The following PAX3 variants were observed in gnomAD, a reference collection of about 807,000 sequenced individuals.
PAX3 encodes the protein paired box protein Pax-3.
A neutral mutation model predicts 51.6 loss-of-function variants in PAX3; 14 were observed. The ratio of observed to expected loss-of-function variants is 0.27; its 90% CI spans 0.18 to 0.42. PAX3 has a LOEUF of 0.42. PAX3 is among the 10% of genes least tolerant of loss of function. PAX3 has a pLI of 1.00. For synonymous variants in PAX3, 280 were observed against 253.4 expected, an observed-to-expected ratio of 1.11 and a Z score of -1.00; for missense variants, 540 against 642.8, an observed-to-expected ratio of 0.84 and a Z score of 1.73.
chr2:222,270,247 T>C (rs1694202648), intron 4 of PAX3, among the ~76,000 whole-genome samples: 1 of 152,216 alleles, frequency 6.6e-6, no homozygotes, highest in Admixed American at 6.5e-5. Context: ...TCATCTTAGC[T>C]CAAGCTCCGA....
chr2:222,233,842 C>A (rs962009891), intron 4 of PAX3, among the ~76,000 whole-genome samples: 1 of 152,076 alleles, frequency 6.6e-6, no homozygotes, highest in Non-Finnish European at 1.5e-5. Context: ...CAACAGTAAG[C>A]CAGAAAATTG....
At chr2:222,236,412 G>A (rs6436301) in intron 4 of PAX3, among the ~76,000 whole-genome samples, 136,890 of 152,196 alleles carry the variant, frequency 0.9, 61,624 homozygotes, top group East Asian at 1. Flanking sequence ...TTTACCAAGA[G>A]CAAAACTAAA....
chr2:222,237,785 T>C (rs1195268360), intron 4 of PAX3, among the ~76,000 whole-genome samples: 3 of 152,218 alleles, frequency 2.0e-5, no homozygotes, highest in Admixed American at 2.0e-4. Context: ...ATTCATTTTA[T>C]ATCTTTATTA....
At chr2:222,275,794 T>A (rs1361582502) in intron 4 of PAX3, among the ~76,000 whole-genome samples, 1 of 152,248 alleles carries the variant, frequency 6.6e-6, no homozygotes, top group Non-Finnish European at 1.5e-5. Context: ...TGAAATGCTC[T>A]CCTGTTTAAT....
intron 4 of PAX3, among the ~76,000 whole-genome samples, chr2:222,261,677 G>A (rs1693867455): frequency 6.6e-6 from 1 of 151,638 alleles, no homozygotes; most frequent in Non-Finnish European, 1.5e-5. Flanking sequence ...TCCTGATATT[G>A]CAGTTTTTAA....
At chr2:222,228,667 G>A (rs1692471237) in intron 5 of PAX3, among the ~76,000 whole-genome samples, 1 of 152,100 alleles carries the variant, frequency 6.6e-6, no homozygotes, top group Non-Finnish European at 1.5e-5. Flanking sequence ...AGTGCCAGTG[G>A]CTCACACCTG....
intron 7 of PAX3, among the ~76,000 whole-genome samples, chr2:222,215,759 G>A (rs770387176): frequency 9.2e-5 from 14 of 152,026 alleles, no homozygotes; most frequent in Non-Finnish European, 1.6e-4. Context: ...TCTGGGGATG[G>A]AGGGGAAATA....
chr2:222,222,456 T>C (rs1574649805), intron 5 of PAX3, among the ~76,000 whole-genome samples: 1 of 150,878 alleles, frequency 6.6e-6, no homozygotes, highest in South Asian at 2.1e-4. Flanking sequence ...CAGTCTGGAG[T>C]GCAATGGCGG....
At chr2:222,201,579 A>G in intron 8 of PAX3, 137 bp from the exon 9 acceptor site, 1 of 1,342,074 alleles carries the variant, frequency 7.5e-7, no homozygotes, top group Non-Finnish European at 1.0e-6. Context: ...TATTCCTGAG[A>G]CAAGTTTGAC....
At chr2:222,213,731 G>A (rs1326531387) in intron 7 of PAX3, among the ~76,000 whole-genome samples, 1 of 152,166 alleles carries the variant, frequency 6.6e-6, no homozygotes, top group African/African-American at 2.4e-5. Context: ...TGGGAAATAG[G>A]TTGGTGTCAG....
chr2:222,288,907 C>A (rs941696356), intron 4 of PAX3, among the ~76,000 whole-genome samples: 1 of 152,170 alleles, frequency 6.6e-6, no homozygotes, highest in African/African-American at 2.4e-5. Flanking sequence ...GGTTAAGAAC[C>A]CCTCACAATG....
At chr2:222,297,639 G>A (rs1286854257) in intron 1 of PAX3, among the ~76,000 whole-genome samples, 2 of 152,190 alleles carry the variant, frequency 1.3e-5, no homozygotes, top group Non-Finnish European at 1.5e-5. Flanking sequence ...CCTTTCTAAG[G>A]GACTTGGGCC....
intron 7 of PAX3, among the ~76,000 whole-genome samples, chr2:222,213,844 A>G (rs550431917): frequency 1.3e-5 from 2 of 152,218 alleles, no homozygotes; most frequent in African/African-American, 4.8e-5. Context: ...GACTAGCATC[A>G]GGTAGCTTCT....
rs550279652 is a variant in PAX3, at chr2:222,255,130, T to C, written c.587-22847A>G. On this transcript the variant is annotated intron_variant, in intron 4 of 8. Coordinates refer to ENST00000392070, the MANE Select transcript of PAX3 (RefSeq NM_181458.4). Reference sequence around the variant, plus strand: ...AAGTTGGCAGGGCAAGTTGCAGCATTAATACAAACTGAGATTTTGTTCTGT... The same window carrying C: ...AAGTTGGCAGGGCAAGTTGCAGCATCAATACAAACTGAGATTTTGTTCTGT... Among the ~76,000 whole-genome samples, 3 of 152,322 alleles carry C rather than the reference T, an allele frequency of 2.0e-5. No individual in the cohort carries two copies. The East Asian group carries it at 5.8e-4, about 29-fold the overall frequency.
intron 4 of PAX3, among the ~76,000 whole-genome samples, chr2:222,289,367 T>A (rs1694946657): frequency 1.3e-5 from 2 of 152,188 alleles, no homozygotes; most frequent in South Asian, 4.1e-4. Context: ...AATATATGCA[T>A]TCATGGATGC....
At chr2:222,201,717 G>A (rs1457883971) in intron 8 of PAX3, 1 of 1,458,162 alleles carries the variant, frequency 6.9e-7, no homozygotes, top group Non-Finnish European at 9.0e-7. Flanking sequence ...TGGCAATCAG[G>A]TTTCACGTCT....
intron 4 of PAX3, among the ~76,000 whole-genome samples, chr2:222,286,767 C>T (rs1335843564): frequency 6.6e-6 from 1 of 152,126 alleles, no homozygotes; most frequent in Non-Finnish European, 1.5e-5. Flanking sequence ...ACAGAAATTA[C>T]CTGTTGGTGG....
At chr2:222,256,231 A>T (rs1430661) in intron 4 of PAX3, among the ~76,000 whole-genome samples, 7 of 152,044 alleles carry the variant, frequency 4.6e-5, no homozygotes, top group African/African-American at 1.7e-4. Flanking sequence ...TAAACTGGCC[A>T]TAAGGCAGAT....
At chr2:222,250,492 A>T (rs986598463) in intron 4 of PAX3, among the ~76,000 whole-genome samples, 1 of 152,180 alleles carries the variant, frequency 6.6e-6, no homozygotes, top group Admixed American at 6.5e-5. Flanking sequence ...CAGAGGAAAT[A>T]CCTTCACCAC....
Sources: allele counts gnomAD v4.1 joint callset (sites outside exome capture counted in the v4.1 genomes callset), GRCh38; gene constraint gnomAD v4.1.1; transcripts MANE v1.5; gene names NCBI Gene and HGNC (gene_info 2026-07-23, HGNC 2026-07-21).